NPC1: variants seen among roughly 807,000 people sequenced by gnomAD.
NPC1 encodes the protein NPC intracellular cholesterol transporter 1, also known as Niemann-Pick C1 protein.
A neutral mutation model predicts 140.4 loss-of-function variants in NPC1; 85 were observed. The observed-to-expected ratio is 0.61, with a 90% CI of 0.51 to 0.72. The LOEUF (loss-of-function observed/expected upper bound fraction) is 0.72. Ranked by LOEUF, NPC1 falls within the 30% of genes least tolerant of loss-of-function variation. The pLI, the probability that NPC1 is intolerant of heterozygous loss-of-function variation, is 0.00. For missense variants in NPC1, 1,504 were observed against 1,623.8 expected (o/e 0.93, Z 1.27); for synonymous variants, 656 against 624.8 (o/e 1.05, Z -0.74).
intron 19 of NPC1, chr18:23,538,922 CCTT>C (rs1030587854): frequency 5.8e-5 from 30 of 519,548 alleles, no homozygotes; most frequent in African/African-American, 4.6e-4. Context: ...TAGATCTCCT[CCTT>C]CAAGTATGGC....
At chr18:23,524,320 G>C (rs2145242029), downstream of NPC1, 2 of 1,491,404 alleles carry the variant, frequency 1.3e-6, no homozygotes, top group South Asian at 1.1e-5. Flanking sequence ...CAGGGGCCTC[G>C]CGTTTAGCGT....
rs779349710 is a variant in NPC1, at chr18:23,532,296, A to G, written c.3755-12T>C. ...ATTTACTGATGGCCCTATGAGAGAG[A>G]GAGACTTTTTCTTATTTCTGCAGGA... On this transcript the variant is annotated splice_polypyrimidine_tract_variant and intron_variant, in intron 24 of 24. Coordinates refer to ENST00000269228, the MANE Select transcript of NPC1 (RefSeq NM_000271.5). 5 of 1,613,970 alleles carry G rather than the reference A, an allele frequency of 3.1e-6. No individual in the cohort carries two copies. The highest frequency in any genetic ancestry group is 2.7e-5 in the African/African-American group (2 of 74,898).
intron 1 of NPC1, chr18:23,576,394 C>T (rs1187779759): frequency 8.6e-6 from 7 of 813,070 alleles, no homozygotes; most frequent in Non-Finnish European, 1.0e-5. Context: ...TGCACTCCAG[C>T]CTGGACAACA....
chr18:23,544,549 T>G lies in NPC1; in HGVS notation c.1948-23A>C, dbSNP rs1228920076. On this transcript the variant is annotated intron_variant, in intron 12 of 24. Coordinates refer to ENST00000269228, the MANE Select transcript of NPC1 (RefSeq NM_000271.5). ...CACCTGAGAGAGGCGACAGACACAATCACCAATTAGTTACAGGGTTGTCTG... is the reference window on the plus strand; with the variant it reads ...CACCTGAGAGAGGCGACAGACACAAGCACCAATTAGTTACAGGGTTGTCTG... 1.9e-6 allele frequency: 3 copies of G among 1,611,692 alleles called. No homozygotes were observed. The African/African-American group carries it at 4.0e-5, about 22-fold the overall frequency.
At chr18:23,554,605 C>CAA (rs11340795) in intron 9 of NPC1, among the ~76,000 whole-genome samples, 153 bp downstream of exon 9, 8 of 134,918 alleles carry the variant, frequency 5.9e-5, no homozygotes, top group Non-Finnish European at 1.3e-4. Flanking sequence ...GACCCTGTCT[C>CAA]AAAAAAAAAA....
intron 1 of NPC1, among the ~76,000 whole-genome samples, chr18:23,575,796 A>AAAAAAAT: frequency 6.8e-6 from 1 of 146,044 alleles, no homozygotes; most frequent in Non-Finnish European, 1.5e-5. Flanking sequence ...AAAAAAAAAA[A>AAAAAAAT]GTCATCCTGG....
chr18:23,546,622 T>TCA (rs2058794123), intron 11 of NPC1, among the ~76,000 whole-genome samples: 1 of 152,182 alleles, frequency 6.6e-6, no homozygotes, highest in Admixed American at 6.5e-5. Context: ...CAAGTGTTTG[T>TCA]CAGTTGATAA....
intron 24 of NPC1, 47 bp downstream of exon 24, chr18:23,533,308 A>G (rs1388811147): frequency 1.9e-6 from 3 of 1,541,444 alleles, no homozygotes; most frequent in Non-Finnish European, 2.7e-6. Flanking sequence ...ATTCCCTTTC[A>G]GTAATGTCCT....
At chr18:23,571,717 T>C (rs754157327) in intron 3 of NPC1, among the ~76,000 whole-genome samples, 1 of 151,212 alleles carries the variant, frequency 6.6e-6, no homozygotes, top group Non-Finnish European at 1.5e-5. Context: ...TGCATGCCTG[T>C]AGTCCTAGCT....
chr18:23,544,949 C>CCCCCCCCCA lies in NPC1; in HGVS notation c.1947+10_1947+11insTGGGGGGGG. ...AACCTCTAGAACATACACCACCCCC[C>CCCCCCCCCA]CCCGGCTTACCAGAAGCCTGCGACA... is the stretch of plus-strand genomic sequence containing the variant. On this transcript the variant is annotated intron_variant, in intron 12 of 24. Transcript: ENST00000269228. The CCCCCCCCCA allele has an allele frequency of 1.4e-6, 2 of 1,402,082 alleles. No homozygotes were observed. 86.9% of individuals were successfully genotyped at this position (1,402,082 alleles called of 1,614,324 possible).
At chr18:23,519,463 A>C (rs1318625386), downstream of NPC1, among the ~76,000 whole-genome samples, 3 of 151,890 alleles carry the variant, frequency 2.0e-5, no homozygotes, top group Non-Finnish European at 2.9e-5. Flanking sequence ...GGCTTCAGTG[A>C]GTGGAGATCG....
chr18:23,541,321 G>GTCTAACC lies in NPC1; in HGVS notation c.2351_2357dup (p.Asp786GlufsTer5). The GTCTAACC allele has an allele frequency of 6.2e-7, 1 of 1,614,178 alleles. No individual in the cohort carries two copies. Among genetic ancestry groups the GTCTAACC allele is most frequent in the Non-Finnish European group, 8.5e-7 (1 of 1,180,040 alleles). On this transcript the variant is annotated frameshift_variant, in exon 15 of 25. Coordinates refer to ENST00000269228, the MANE Select transcript of NPC1 (RefSeq NM_000271.5). LOFTEE classifies it high-confidence loss of function. ...ACCAACTTACCTCTTGACGTTTAAT[G>GTCTAACC]TCTAACCCCAAGAGACTCACGAAAC... is the stretch of plus-strand genomic sequence containing the variant.
exon 4 of NPC1, chr18:23,506,591 T>A (rs2145127140): frequency 4.5e-6 from 1 of 221,442 alleles, no homozygotes; most frequent in South Asian, 5.9e-5. Context: ...CTGGGTTGCA[T>A]AATGAATGTG....
intron 1 of NPC1, among the ~76,000 whole-genome samples, chr18:23,580,711 T>C (rs985105599): frequency 2.6e-5 from 4 of 152,192 alleles, no homozygotes; most frequent in Non-Finnish European, 5.9e-5. Flanking sequence ...CCCTACCTCA[T>C]TGCTTCTCCA....
chr18:23,578,050 G>A (rs928319025), intron 1 of NPC1, among the ~76,000 whole-genome samples: 3 of 152,152 alleles, frequency 2.0e-5, no homozygotes, highest in South Asian at 2.1e-4. Flanking sequence ...AGTGGGCTCC[G>A]GCCTTGGCCA....
rs962885349 is a variant in NPC1 at position 23,517,028 on chromosome 18, G to A, written c.432-10386C>T. 8.6e-5 allele frequency among the ~76,000 whole-genome samples: 13 copies of A among 151,874 alleles called. No individual in the cohort carries two copies. The East Asian group carries it at 2.5e-3, about 29-fold the overall frequency. On this transcript the variant is annotated intron_variant, in intron 3 of 3. Coordinates refer to the NPC1 transcript ENST00000591107. ...GGCATGAGCCACTGTGCCTGGCCAA[G>A]TTTATTTTTTTTAAAAGCTCAGTTA...
downstream of NPC1, chr18:23,526,915 G>A (rs1314366407): frequency 9.8e-7 from 1 of 1,016,214 alleles, no homozygotes; most frequent in Admixed American, 2.6e-5. Flanking sequence ...GACCCCCTAG[G>A]AAAGGCTGCT....
intron 24 of NPC1, chr18:23,532,822 G>A (rs1374489110): frequency 1.1e-6 from 1 of 951,706 alleles, no homozygotes; most frequent in African/African-American, 1.8e-5. Flanking sequence ...TCAATTTAGT[G>A]ACAAAGCTAT....
At position 23,573,333 on chromosome 18, in the gene NPC1, A is replaced by G. The variant is rs1296894044; in HGVS notation, c.180+119T>C. 2.2e-6 allele frequency: 3 copies of G among 1,383,174 alleles called. No homozygotes were observed. The East Asian group carries it at 6.9e-5, about 32-fold the overall frequency. The allele number at this position is 1,383,174 out of a possible 1,614,324, so 85.7% of individuals were successfully genotyped here. On this transcript the variant is annotated intron_variant, in intron 2 of 24. Coordinates refer to ENST00000269228, the MANE Select transcript of NPC1 (RefSeq NM_000271.5). ...AGGTTAGAGTTTGAGAGTCCGGGATAAGACTTAAGCCTGTTAGTCTCATCT... is the reference window on the plus strand; with the variant it reads ...AGGTTAGAGTTTGAGAGTCCGGGATGAGACTTAAGCCTGTTAGTCTCATCT...
Sources: allele counts gnomAD v4.1 joint callset (sites outside exome capture counted in the v4.1 genomes callset), GRCh38; gene constraint gnomAD v4.1.1; transcripts MANE v1.5; gene names NCBI Gene and HGNC (gene_info 2026-07-23, HGNC 2026-07-21).